Variants in CDC73 observed in about 807,000 individuals in gnomAD.
CDC73 encodes the protein cell division cycle 73, also known as parafibromin.
In CDC73, 21 loss-of-function variants were observed where a neutral mutation model predicts 83.7. The ratio of observed to expected loss-of-function variants is 0.25; its 90% confidence interval spans 0.18 to 0.36. The LOEUF (loss-of-function observed/expected upper bound fraction) is 0.36. Ranked by LOEUF, CDC73 falls within the 10% of genes least tolerant of loss-of-function variation. The pLI is 1.00. For missense variants in CDC73, 342 were observed against 653.3 expected, an observed-to-expected ratio of 0.52 and a Z score of 5.19; for synonymous variants, 224 against 212.9, an observed-to-expected ratio of 1.05 and a Z score of -0.45.
intron 10 of CDC73, chr1:193,180,066 C>A: frequency 2.8e-6 from 1 of 353,912 alleles, no homozygotes; most frequent in Non-Finnish European, 5.0e-6. Flanking sequence ...TGTTAATACA[C>A]AGAATCTCCT....
chr1:193,127,289 A>AATGTG (rs1553277969), intron 2 of CDC73, among the ~76,000 whole-genome samples: 5 of 143,254 alleles, frequency 3.5e-5, no homozygotes, highest in African/African-American at 5.2e-5. Flanking sequence ...AAAAAAAAAA[A>AATGTG]TGTGTGTGTG....
intron 10 of CDC73, among the ~76,000 whole-genome samples, chr1:193,156,728 G>C (rs1676213565): frequency 6.6e-6 from 1 of 152,108 alleles, no homozygotes; most frequent in African/African-American, 2.4e-5. Flanking sequence ...TATAGTAGCA[G>C]TAATGTTCTG....
At chr1:193,216,280 A>G (rs1677365681) in intron 13 of CDC73, among the ~76,000 whole-genome samples, 2 of 152,322 alleles carry the variant, frequency 1.3e-5, no homozygotes, top group South Asian at 4.1e-4. Context: ...AACTCCACAG[A>G]AATACAGAAA....
chr1:193,143,704 A>T (rs939034686), intron 7 of CDC73, among the ~76,000 whole-genome samples: 8 of 152,290 alleles, frequency 5.3e-5, no homozygotes, highest in South Asian at 2.1e-4. Context: ...AGGTGAGAAT[A>T]AAAAAATACC....
At chr1:193,181,324 C>G (rs576603378) in intron 10 of CDC73, 2 of 1,613,860 alleles carry the variant, frequency 1.2e-6, no homozygotes, top group Non-Finnish European at 1.7e-6. Context: ...CCAAATGTTC[C>G]GAAGGGAGCT....
At chr1:193,159,546 A>G (rs1676270526) in intron 10 of CDC73, among the ~76,000 whole-genome samples, 1 of 151,532 alleles carries the variant, frequency 6.6e-6, no homozygotes, top group Non-Finnish European at 1.5e-5. Flanking sequence ...AATTTTTTGT[A>G]TTTTTAGTAG....
chr1:193,237,747 C>T (rs533287710), intron 15 of CDC73, among the ~76,000 whole-genome samples: 4 of 152,236 alleles, frequency 2.6e-5, no homozygotes, highest in African/African-American at 4.8e-5. Flanking sequence ...TGACTCTTTA[C>T]GGCATCCTCC....
chr1:193,236,384 C>G (rs368135060), intron 15 of CDC73, 28 bp downstream of exon 15: 2 of 1,324,950 alleles, frequency 1.5e-6, no homozygotes, highest in Admixed American at 3.4e-5. Context: ...TTTACTGTAT[C>G]CAGTATAGAA....
intron 14 of CDC73, among the ~76,000 whole-genome samples, chr1:193,234,150 T>TTCTCTCTCTC (rs1301715434): frequency 1.9e-5 from 2 of 107,444 alleles, no homozygotes; most frequent in African/African-American, 3.8e-5. Flanking sequence ...GGTAGGATAA[T>TTCTCTCTCTC]TCTCTCTCTC....
chr1:193,162,948 C>T (rs1676364703), intron 10 of CDC73, among the ~76,000 whole-genome samples: 1 of 152,088 alleles, frequency 6.6e-6, no homozygotes, highest in South Asian at 2.1e-4. Context: ...TGAATTCTTA[C>T]TTGTGTTCTA....
chr1:193,206,116 G>C (rs1159147223), intron 11 of CDC73, among the ~76,000 whole-genome samples: 1 of 152,102 alleles, frequency 6.6e-6, no homozygotes, highest in Non-Finnish European at 1.5e-5. Context: ...AAACCATTTT[G>C]TTCATATGTG....
intron 10 of CDC73, among the ~76,000 whole-genome samples, chr1:193,163,894 T>C (rs1026044337): frequency 3.3e-5 from 5 of 152,108 alleles, no homozygotes; most frequent in African/African-American, 1.2e-4. Context: ...TTCTCCTGCC[T>C]CAGTCTTCTG....
At chr1:193,198,019 C>A (rs895700011) in intron 10 of CDC73, among the ~76,000 whole-genome samples, 4 of 150,588 alleles carry the variant, frequency 2.7e-5, no homozygotes, top group Admixed American at 1.3e-4. Flanking sequence ...TTGCCATATT[C>A]ATTTAATAGA....
chr1:193,138,272 T>G, intron 6 of CDC73, 99 bp downstream of exon 6: 1 of 841,272 alleles, frequency 1.2e-6, no homozygotes, highest in Non-Finnish European at 2.1e-6. Context: ...CATTTACCTC[T>G]TGGATTCATT....
At chr1:193,213,131 C>G (rs967463906) in intron 13 of CDC73, among the ~76,000 whole-genome samples, 1 of 152,072 alleles carries the variant, frequency 6.6e-6, no homozygotes, top group Non-Finnish European at 1.5e-5. Context: ...AGCATTTCTT[C>G]TATTAATGAA....
intron 10 of CDC73, among the ~76,000 whole-genome samples, chr1:193,194,022 T>G (rs554456274): frequency 6.6e-6 from 1 of 152,282 alleles, no homozygotes; most frequent in African/African-American, 2.4e-5. Context: ...AATAACTGAT[T>G]ACAAAGATAT....
rs1678053413 is a variant in CDC73 at position 193,252,144 on chromosome 1, T to G, written c.*1432T>G. The G allele has an allele frequency of 4.3e-6, 1 of 231,002 alleles. No homozygotes were observed. The highest frequency in any genetic ancestry group is 5.7e-5 in the Admixed American group (1 of 17,690). The allele number at this position is 231,002 out of a possible 1,614,324, so 14.3% of individuals were successfully genotyped here. On this transcript the variant is annotated 3_prime_UTR_variant, in exon 17 of 17. Transcript: ENST00000367435. Reference sequence around the variant, plus strand: ...GAAAAGATATTTATTCACATGATATTTACAAGGCTCTTCAGAAGGGAACAG... The same window carrying G: ...GAAAAGATATTTATTCACATGATATGTACAAGGCTCTTCAGAAGGGAACAG...
At position 193,138,185 on chromosome 1, in the gene CDC73, T is replaced by C. The variant is rs186208404; in HGVS notation, c.512+12T>C. ...ACTGAACAGATTAGGTAAGAATTCT[T>C]TTTAAGTAGAAAGTAGGTAGTTTAG... On this transcript the variant is annotated intron_variant, in intron 6 of 16. Coordinates refer to ENST00000367435, the MANE Select transcript of CDC73 (RefSeq NM_024529.5). The C allele has an allele frequency of 1.3e-6, 2 of 1,552,262 alleles. No homozygotes were observed. Among genetic ancestry groups the C allele is most frequent in the South Asian group, 2.2e-5 (2 of 89,830 alleles).
rs190928860 is a variant in CDC73 at position 193,177,322 on chromosome 1, G to T, written c.972+24878G>T. Among the ~76,000 whole-genome samples the T allele has an allele frequency of 2.4e-5, 3 of 125,456 alleles. No homozygotes were observed. The East Asian group carries it at 6.7e-4, about 28-fold the overall frequency. 82.3% of individuals were successfully genotyped at this position (125,456 alleles called of 152,430 possible). A position where few individuals can be genotyped will look rare whatever the true frequency, so the allele number is the denominator to read the frequency against. On this transcript the variant is annotated intron_variant, in intron 10 of 16. Transcript: ENST00000367435. Reference sequence around the variant, plus strand: ...GAGGTCAGGAGATCGAGACCGTCCTGGCTAACACGGTGAAACCCCATCTCT... The same window carrying T: ...GAGGTCAGGAGATCGAGACCGTCCTTGCTAACACGGTGAAACCCCATCTCT...
Sources: allele counts gnomAD v4.1 joint callset (sites outside exome capture counted in the v4.1 genomes callset), GRCh38; gene constraint gnomAD v4.1.1; transcripts MANE v1.5; gene names NCBI Gene and HGNC (gene_info 2026-07-23, HGNC 2026-07-21).